BLM: variants seen among roughly 807,000 people sequenced by gnomAD.
BLM encodes the protein BLM RecQ like helicase, also known as recQ-like DNA helicase BLM.
In BLM, 95 loss-of-function variants were observed where a neutral mutation model predicts 135.3. The ratio of observed to expected loss-of-function variants is 0.70; its 90% confidence interval spans 0.59 to 0.83. BLM has a LOEUF of 0.83. Ranked by LOEUF, BLM falls within the 40% of genes least tolerant of loss-of-function variation. The probability of loss-of-function intolerance (pLI) is 0.00; values close to 1 mark genes in which losing one functional copy is unlikely to be tolerated. For synonymous variants in BLM, 520 were observed against 589.2 expected (o/e 0.88, Z 1.70); for missense variants, 1,518 against 1,663.9 (o/e 0.91, Z 1.53).
intron 14 of BLM, among the ~76,000 whole-genome samples, chr15:90,786,010 T>C (rs1896739784): frequency 6.9e-6 from 1 of 145,262 alleles, no homozygotes; most frequent in Admixed American, 6.7e-5. Flanking sequence ...TTTTTTTTTT[T>C]TTTTTTTTTT....
chr15:90,806,869 T>C (rs1471813656), intron 19 of BLM, among the ~76,000 whole-genome samples: 2 of 152,258 alleles, frequency 1.3e-5, no homozygotes. Context: ...TGTTACTTTA[T>C]GGACTATTAA....
At chr15:90,724,577 C>G (rs1596195828) in intron 1 of BLM, among the ~76,000 whole-genome samples, 1 of 152,162 alleles carries the variant, frequency 6.6e-6, no homozygotes, top group South Asian at 2.1e-4. Context: ...CCAGACCCCC[C>G]ACTTCAGACT....
chr15:90,794,314 A>G lies in BLM; in HGVS notation c.3167A>G (p.Lys1056Arg), dbSNP rs1465842377. 1 of 1,605,950 alleles carries G rather than the reference A, an allele frequency of 6.2e-7. No homozygotes were observed. The highest frequency in any genetic ancestry group is 8.5e-7 in the Non-Finnish European group (1 of 1,176,044). The change falls in exon 16 of 22, where the codon AAG (lysine) becomes AGG (arginine). Residue 1056 changes from lysine (K) to arginine (R), a missense_variant. Lys to Arg is a conservative substitution (Grantham distance 26). Coordinates refer to ENST00000355112, the MANE Select transcript of BLM (RefSeq NM_000057.4). The stretch of plus-strand genomic sequence containing the variant: ...AATGGATTTAATCCTGATTTTTGTA[A>G]GAAACACCCAGATGTTTCTTGTGAT... ...GENGFNPDFC[K>R]KHPDVSCDNC...
At chr15:90,798,981 C>A (rs1183229377) in intron 17 of BLM, among the ~76,000 whole-genome samples, 3 of 150,418 alleles carry the variant, frequency 2.0e-5, no homozygotes, top group African/African-American at 7.4e-5. Context: ...GAAACTGTGT[C>A]TCAAAAATAA....
chr15:90,729,700 A>G (rs1233209415), intron 1 of BLM, among the ~76,000 whole-genome samples: 1 of 152,226 alleles, frequency 6.6e-6, no homozygotes, highest in African/African-American at 2.4e-5. Flanking sequence ...TCCGTATGAC[A>G]GTAATTCACC....
chr15:90,726,265 ATTCTT>A (rs1483696164), intron 1 of BLM, among the ~76,000 whole-genome samples: 4 of 152,088 alleles, frequency 2.6e-5, no homozygotes, highest in Non-Finnish European at 5.9e-5. Flanking sequence ...GTAATTTTAT[ATTCTT>A]TTCTTTCCTT....
intron 5 of BLM, 106 bp downstream of exon 5, chr15:90,755,044 G>A (rs2151152469): frequency 1.4e-6 from 2 of 1,395,210 alleles, no homozygotes; most frequent in East Asian, 4.8e-5. Flanking sequence ...TTATAAAATG[G>A]CAGATTTGTA....
At chr15:90,806,552 C>T (rs932780442) in intron 19 of BLM, among the ~76,000 whole-genome samples, 1 of 151,038 alleles carries the variant, frequency 6.6e-6, no homozygotes, top group Non-Finnish European at 1.5e-5. Context: ...GAGCTAGTTT[C>T]CTTATGAAGA....
chr15:90,795,821 A>G (rs1015958417), intron 16 of BLM, among the ~76,000 whole-genome samples: 1 of 152,256 alleles, frequency 6.6e-6, no homozygotes, highest in African/African-American at 2.4e-5. Context: ...ACAGCAGAGT[A>G]AAAAGACAGG....
intron 14 of BLM, among the ~76,000 whole-genome samples, chr15:90,789,988 T>TG (rs1896859162): frequency 1.3e-4 from 2 of 15,000 alleles, no homozygotes; most frequent in East Asian, 9.9e-4. Flanking sequence ...GTCCCTGGTG[T>TG]TTTTTTTTTT....
intron 3 of BLM, among the ~76,000 whole-genome samples, chr15:90,750,945 G>A (rs889591311): frequency 3.9e-5 from 6 of 152,308 alleles, no homozygotes; most frequent in African/African-American, 1.4e-4. Context: ...GATCCATAGA[G>A]GTTAAAATGG....
At chr15:90,775,200 G>C (rs1896441056) in intron 12 of BLM, among the ~76,000 whole-genome samples, 1 of 152,166 alleles carries the variant, frequency 6.6e-6, no homozygotes, top group Non-Finnish European at 1.5e-5. Flanking sequence ...TAACTAAATG[G>C]AATGAGAAGA....
At chr15:90,732,319 GTA>G (rs1895089946) in intron 1 of BLM, among the ~76,000 whole-genome samples, 1 of 151,992 alleles carries the variant, frequency 6.6e-6, no homozygotes, top group Non-Finnish European at 1.5e-5. Context: ...AATTAGTGCA[GTA>G]TATCATCTTC....
intron 4 of BLM, 120 bp from the exon 5 acceptor site, chr15:90,754,691 C>G: frequency 1.7e-6 from 2 of 1,149,542 alleles, no homozygotes; most frequent in Non-Finnish European, 2.4e-6. Context: ...TAAAAAACTA[C>G]TTCTCTTTTC....
chr15:90,770,173 C>CG (rs1896268103), intron 12 of BLM, among the ~76,000 whole-genome samples: 2 of 144,678 alleles, frequency 1.4e-5, no homozygotes, highest in African/African-American at 5.2e-5. Context: ...GAAATCCCCC[C>CG]CCCCTTTTTT....
At chr15:90,736,872 T>C (rs1895232562) in intron 1 of BLM, among the ~76,000 whole-genome samples, 1 of 152,188 alleles carries the variant, frequency 6.6e-6, no homozygotes, top group Non-Finnish European at 1.5e-5. Flanking sequence ...AAATCAGAAA[T>C]TATTGAAATT....
rs1161471990 is a variant in BLM, at chr15:90,798,258, A to G, written c.3279A>G (p.Ser1093=). Residue 1093 remains serine, a synonymous_variant, in exon 17 of 22, where the codon TCA becomes TCG. Transcript: ENST00000355112. The part of the protein sequence containing the change: ...SIVRFVQEHS[S]SQGMRNIKHV... ...TAAGATTTGTTCAAGAACATAGTTC[A>G]TCACAAGGAATGAGAAATATAAAAC... The G allele has an allele frequency of 6.2e-7, 1 of 1,611,838 alleles. No homozygotes were observed. The highest frequency in any genetic ancestry group is 2.2e-5 in the East Asian group (1 of 44,768).
Position 90,798,352 on chromosome 15 carries a change from T to C in BLM, c.3358+15T>C, listed in dbSNP as rs761215968. 3.1e-6 allele frequency: 5 copies of C among 1,611,424 alleles called. No individual in the cohort carries two copies. Among genetic ancestry groups the C allele is most frequent in the Non-Finnish European group, 3.4e-6 (4 of 1,178,718 alleles). ...CATTTTCTTGGGTAAGTCATCTGTT[T>C]TGAATGTTTGAGTTACTTCAATTGA... is the stretch of plus-strand genomic sequence containing the variant. On this transcript the variant is annotated intron_variant, in intron 17 of 21. Coordinates refer to ENST00000355112, the MANE Select transcript of BLM (RefSeq NM_000057.4).
chr15:90,809,168 T>C lies in BLM; in HGVS notation c.3783T>C (p.Leu1261=). 1.2e-6 allele frequency: 2 copies of C among 1,614,168 alleles called. No homozygotes were observed. Among genetic ancestry groups the C allele is most frequent in the Non-Finnish European group, 1.7e-6 (2 of 1,180,012 alleles). The change falls in exon 20 of 22, where the codon CTT becomes CTC. Residue 1261 remains leucine, a synonymous_variant. Coordinates refer to ENST00000355112, the MANE Select transcript of BLM (RefSeq NM_000057.4). ...TATCTTCTGATCCTGAGGTTTTGCTTCAAATTGATGGTGTTACTGAAGACA... is the reference window on the plus strand; with the variant it reads ...TATCTTCTGATCCTGAGGTTTTGCTCCAAATTGATGGTGTTACTGAAGACA... ...ESLSSDPEVL[L]QIDGVTEDKL...
Sources: gnomAD v4.1 joint callset for allele counts (sites outside exome capture counted in the v4.1 genomes callset) on GRCh38, gnomAD v4.1.1 for gene constraint, MANE v1.5 for transcripts, NCBI Gene and HGNC (gene_info 2026-07-23, HGNC 2026-07-21) for gene names.